SYNJ2: variants seen among roughly 807,000 people sequenced by gnomAD.
SYNJ2 encodes the protein synaptojanin 2.
Under a neutral mutation model 141.3 loss-of-function variants are expected in SYNJ2, and 116 were observed. The ratio of observed to expected loss-of-function variants is 0.82; its 90% CI spans 0.71 to 0.96. The LOEUF is 0.96. Among genes scored for constraint, SYNJ2 ranks in the 40% least tolerant of loss-of-function variants. The pLI is 0.00. For missense variants in SYNJ2, 1,873 were observed against 1,934.8 expected (o/e 0.97, Z 0.60); for synonymous variants, 745 against 777.7 (o/e 0.96, Z 0.70).
chr6:158,004,372 C>T (rs182133407), intron 1 of SYNJ2, among the ~76,000 whole-genome samples: 31 of 152,266 alleles, frequency 2.0e-4, no homozygotes, highest in Admixed American at 1.1e-3. Flanking sequence ...ATGAAAGTGA[C>T]GTCTGGCCAT....
chr6:158,074,784 G>A, intron 16 of SYNJ2, 46 bp downstream of exon 16: 1 of 1,600,290 alleles, frequency 6.2e-7, no homozygotes, highest in East Asian at 2.2e-5. Context: ...CTCCAAGATG[G>A]AATGACATCT....
At chr6:158,029,288 C>T in intron 3 of SYNJ2, 1 of 353,532 alleles carries the variant, frequency 2.8e-6, no homozygotes, top group Non-Finnish European at 5.2e-6. Context: ...GTGCCTCATG[C>T]CTGTAATCCC....
rs767231653 is a variant in SYNJ2, at chr6:157,982,570, G to A, written c.127+482G>A. On this transcript the variant is annotated intron_variant, in intron 1 of 26. Coordinates refer to ENST00000355585, the MANE Select transcript of SYNJ2 (RefSeq NM_003898.4). The surrounding 1 kb of genome is among the most constrained non-coding windows in gnomAD (Gnocchi z 4.0). The stretch of plus-strand genomic sequence containing the variant: ...ACCGCTGATGGCAGCTTTGTCCCAC[G>A]TAAATACTTGGTCGAGAAGCATCGG... Among the ~76,000 whole-genome samples, 13 of 152,192 alleles carry A rather than the reference G, an allele frequency of 8.5e-5. No individual in the cohort carries two copies. The highest frequency in any genetic ancestry group is 1.6e-4 in the Non-Finnish European group (11 of 68,024).
intron 2 of SYNJ2, among the ~76,000 whole-genome samples, chr6:158,025,166 T>TG (rs1352318222): frequency 7.2e-5 from 11 of 152,174 alleles, no homozygotes; most frequent in Non-Finnish European, 1.6e-4. Context: ...GCTCCATAGA[T>TG]GCTGCCTTTT....
rs980115077 is a variant in SYNJ2, at chr6:158,016,316, G to A, written c.128-888G>A. On this transcript the variant is annotated intron_variant, in intron 1 of 26. Coordinates refer to ENST00000355585, the MANE Select transcript of SYNJ2 (RefSeq NM_003898.4). ...TTTAGTAGAGATAGGGTTCCGCCAC[G>A]TTGCCCAGGCTGGTCTCGAACTTCT... Among the ~76,000 whole-genome samples the A allele has an allele frequency of 1.2e-4, 18 of 152,120 alleles. 1 individual carries two copies. Among genetic ancestry groups the A allele is most frequent in the Non-Finnish European group, 1.8e-4 (12 of 68,022 alleles).
chr6:158,061,348 C>A (rs1246295179), intron 7 of SYNJ2, among the ~76,000 whole-genome samples: 1 of 152,180 alleles, frequency 6.6e-6, no homozygotes, highest in African/African-American at 2.4e-5. Flanking sequence ...AGCTGCCAGG[C>A]CAGGGAAGCC....
intron 15 of SYNJ2, among the ~76,000 whole-genome samples, chr6:158,073,068 TAAA>T (rs59003520): frequency 0.19 from 25,761 of 134,284 alleles, 2,605 homozygotes; most frequent in East Asian, 0.28. Context: ...AGACTCTGTC[TAAA>T]AAAAAAAAAA....
chr6:158,072,765 T>G (rs1782016448), intron 15 of SYNJ2, among the ~76,000 whole-genome samples: 1 of 150,912 alleles, frequency 6.6e-6, no homozygotes, highest in African/African-American at 2.4e-5. Context: ...CTAACCCTTC[T>G]CACTTAAAAA....
rs754090669 is a variant in SYNJ2 at position 158,076,739 on chromosome 6, C to T, written c.2406C>T (p.Asp802=). Residue 802 remains aspartate (D), a synonymous_variant, in exon 17 of 27, where the codon GAC becomes GAT. Transcript: ENST00000355585. ...AATGCCGCACCCCCGCCTGGACAGA[C>T]AGGGTGCTGTGGTGGAGGAAGAAAC... ...SDKCRTPAWT[D]RVLWWRKKHP... 3 of 1,614,206 alleles carry T rather than the reference C, an allele frequency of 1.9e-6. No homozygotes were observed. Among genetic ancestry groups the T allele is most frequent in the South Asian group, 2.2e-5 (2 of 91,088 alleles).
chr6:158,018,729 C>T (rs6455949), intron 2 of SYNJ2, among the ~76,000 whole-genome samples: 68,140 of 152,136 alleles, frequency 0.45, 16,298 homozygotes, highest in African/African-American at 0.62. Context: ...AATAGGCTAC[C>T]GTGATAATGC....
chr6:157,986,271 C>G (rs1777199538), intron 1 of SYNJ2, among the ~76,000 whole-genome samples: 2 of 152,372 alleles, frequency 1.3e-5, no homozygotes, highest in South Asian at 4.1e-4. Flanking sequence ...TGCCTCCTCT[C>G]CTAGCCGGAG....
chr6:158,046,179 C>T (rs1780226443), intron 5 of SYNJ2, among the ~76,000 whole-genome samples: 1 of 152,136 alleles, frequency 6.6e-6, no homozygotes, highest in Non-Finnish European at 1.5e-5. Context: ...CTTCTGACCT[C>T]AAGTGATCTG....
At chr6:158,024,871 T>C (rs1409831778) in intron 2 of SYNJ2, among the ~76,000 whole-genome samples, 1 of 151,104 alleles carries the variant, frequency 6.6e-6, no homozygotes, top group Non-Finnish European at 1.5e-5. Flanking sequence ...GTAGATTCCA[T>C]GGGATACTGA....
chr6:158,090,542 G>GTTTTTTTTTTTTT (rs58356198), intron 25 of SYNJ2, among the ~76,000 whole-genome samples: 184 of 113,832 alleles, frequency 1.6e-3, no homozygotes, highest in East Asian at 3.6e-3. Flanking sequence ...TTTTTTTTTT[G>GTTTTTTTTTTTTT]TTTTTTTTTT....
chr6:158,089,060 G>A (rs1783265080), intron 24 of SYNJ2, among the ~76,000 whole-genome samples: 1 of 152,194 alleles, frequency 6.6e-6, no homozygotes, highest in African/African-American at 2.4e-5. Flanking sequence ...CTTGGTGTAT[G>A]GGCAGAGCAT....
chr6:158,068,787 G>A (rs1781725791), intron 13 of SYNJ2, 59 bp downstream of exon 13: 18 of 1,590,292 alleles, frequency 1.1e-5, no homozygotes, highest in African/African-American at 1.3e-5. Flanking sequence ...GCCTGGCTGG[G>A]AGCAGAGCCT....
intron 26 of SYNJ2, chr6:158,094,079 C>T (rs13217929): frequency 0.22 from 159,005 of 723,194 alleles, 19,893 homozygotes; most frequent in Middle Eastern, 0.38. Context: ...CTGCTTCCCC[C>T]CTAGAGAGTG....
intron 5 of SYNJ2, among the ~76,000 whole-genome samples, chr6:158,045,629 G>A (rs976879559): frequency 6.6e-6 from 1 of 150,444 alleles, no homozygotes; most frequent in Admixed American, 6.6e-5. Flanking sequence ...TCTTCTTCTT[G>A]TCTTCTCTAA....
In SYNJ2 at chr6:158,059,279, C is replaced by T; in HGVS notation, c.880C>T (p.Gln294Ter). The T allele has an allele frequency of 2.6e-6, 4 of 1,550,040 alleles. 1 individual carries two copies. The South Asian group carries it at 3.6e-5, about 14-fold the overall frequency. Reference protein sequence around the residue: ...FDRHMVLLKEQYGQQVVVNLL... With the variant: ...FDRHMVLLKE ...CAGGCACATGGTGCTTCTGAAGGAG[C>T]AGTACGGGCAGCAGGTGGTCGTGAA... The change falls in exon 7 of 27, where the codon CAG becomes TAG. Residue 294 changes from glutamine to a stop codon, truncating the protein, a stop_gained. Coordinates refer to ENST00000355585, the MANE Select transcript of SYNJ2 (RefSeq NM_003898.4). LOFTEE classifies it high-confidence loss of function.
Sources: gnomAD v4.1 joint callset for allele counts (sites outside exome capture counted in the v4.1 genomes callset) on GRCh38, gnomAD v4.1.1 for gene constraint, Gnocchi (gnomAD v3.1) non-coding constraint, MANE v1.5 for transcripts, NCBI Gene and HGNC (gene_info 2026-07-23, HGNC 2026-07-21) for gene names.